Variants in STXBP5L observed in about 807,000 individuals in gnomAD.
STXBP5L encodes syntaxin binding protein 5L, also known as syntaxin-binding protein 5-like.
Under a neutral mutation model 144.5 loss-of-function variants are expected in STXBP5L, and 65 were observed. The observed-to-expected ratio is 0.45, with a 90% CI of 0.37 to 0.55. The LOEUF (loss-of-function observed/expected upper bound fraction) is 0.55, where lower values mean the gene tolerates loss of function less well. Ranked by LOEUF, STXBP5L falls within the 20% of genes least tolerant of loss-of-function variation. The probability of loss-of-function intolerance (pLI) is 0.00; values close to 1 mark genes in which losing one functional copy is unlikely to be tolerated. For synonymous variants in STXBP5L, 505 were observed against 469.6 expected (o/e 1.08, Z -0.97); for missense variants, 1,298 against 1,405.5 (o/e 0.92, Z 1.22).
At chr3:121,341,153 A>T (rs1183988212) in intron 20 of STXBP5L, among the ~76,000 whole-genome samples, 1 of 152,176 alleles carries the variant, frequency 6.6e-6, no homozygotes, top group Non-Finnish European at 1.5e-5. Flanking sequence ...GAGCTCAAAC[A>T]ACTCTGTAGG....
At chr3:121,017,444 A>G (rs1361702297) in intron 3 of STXBP5L, among the ~76,000 whole-genome samples, 3 of 152,252 alleles carry the variant, frequency 2.0e-5, no homozygotes, top group African/African-American at 7.2e-5. Flanking sequence ...GCTGTAATAC[A>G]GTAAGATCAG....
intron 7 of STXBP5L, among the ~76,000 whole-genome samples, chr3:121,123,964 C>A (rs1427695986): frequency 2.6e-5 from 4 of 151,604 alleles, no homozygotes; most frequent in Non-Finnish European, 4.4e-5. Flanking sequence ...AAATACAATT[C>A]TATTTTTTTC....
rs567919242 is a variant in STXBP5L at position 121,011,670 on chromosome 3, A to G, written c.288-30030A>G. On this transcript the variant is annotated intron_variant, in intron 3 of 26. Transcript: ENST00000471454. ...CCTGGTAATATTCACTTTTAAAAAA[A>G]AAAAGTTATTACAGATACAATTAAG... Among the ~76,000 whole-genome samples the G allele has an allele frequency of 3.3e-3, 494 of 151,992 alleles. 3 individuals carry two copies. Among genetic ancestry groups the G allele is most frequent in the African/African-American group, 9.9e-3 (412 of 41,526 alleles).
Position 121,091,633 on chromosome 3 carries a change from T to C in STXBP5L, c.471-23292T>C, listed in dbSNP as rs539122428. 3.0e-4 allele frequency among the ~76,000 whole-genome samples: 46 copies of C among 152,326 alleles called. No homozygotes were observed. In the South Asian group the frequency reaches 7.7e-3, roughly 25 times the overall value. On this transcript the variant is annotated intron_variant, in intron 5 of 26. Coordinates refer to ENST00000471454, the MANE Select transcript of STXBP5L (RefSeq NM_001308330.2). ...CCACTTTTTGATGGGGTTGTTTTTT[T>C]CTTGTAAATTTGTTTGAGTTCATCA... is the stretch of plus-strand genomic sequence containing the variant.
chr3:121,041,060 C>CT (rs139992204), intron 3 of STXBP5L, among the ~76,000 whole-genome samples: 2,261 of 148,150 alleles, frequency 0.015, 55 homozygotes, highest in African/African-American at 0.052. Flanking sequence ...TTTTCTCATT[C>CT]TTTTTTTTTT....
chr3:121,162,199 T>A (rs1018450262), intron 9 of STXBP5L, among the ~76,000 whole-genome samples: 1 of 152,188 alleles, frequency 6.6e-6, no homozygotes, highest in Non-Finnish European at 1.5e-5. Context: ...ACATATCATA[T>A]GTATGCATAC....
intron 7 of STXBP5L, among the ~76,000 whole-genome samples, chr3:121,143,732 T>C (rs1019198799): frequency 3.3e-5 from 5 of 151,872 alleles, no homozygotes; most frequent in Admixed American, 3.3e-4. Context: ...CAAGTGGTAT[T>C]GAGAAAACTG....
intron 19 of STXBP5L, among the ~76,000 whole-genome samples, chr3:121,288,111 T>A (rs1454616940): frequency 1.3e-5 from 2 of 152,180 alleles, no homozygotes; most frequent in Non-Finnish European, 2.9e-5. Context: ...GTTCTTGCAT[T>A]AGTTAGCTTA....
rs1304715080 is a variant in STXBP5L at position 121,045,476 on chromosome 3, G to A, written c.411G>A (p.Leu137=). 1.2e-6 allele frequency: 2 copies of A among 1,613,218 alleles called. No homozygotes were observed. Among genetic ancestry groups the A allele is most frequent in the East Asian group, 2.2e-5 (1 of 44,818 alleles). ...VSASSDDTLH[L]WNLRQKRPAI... is the part of the protein sequence containing the mutation. ...CAAGTTCAGATGATACACTTCATTT[G>A]TGGAACCTTAGACAAAAAAGGCCAG... The change falls in exon 5 of 27, where the codon TTG becomes TTA. Residue 137 remains leucine (L), a synonymous_variant. Transcript: ENST00000471454.
At chr3:121,027,361 G>T (rs1229131811) in intron 3 of STXBP5L, among the ~76,000 whole-genome samples, 2 of 152,032 alleles carry the variant, frequency 1.3e-5, no homozygotes, top group Non-Finnish European at 2.9e-5. Flanking sequence ...GGAACTGAAA[G>T]GTTAACTTAA....
intron 9 of STXBP5L, among the ~76,000 whole-genome samples, chr3:121,184,870 G>A (rs958073358): frequency 1.3e-5 from 2 of 152,180 alleles, no homozygotes; most frequent in Non-Finnish European, 2.9e-5. Context: ...AGATCTCTCA[G>A]CAGAAACCCT....
At chr3:121,047,426 G>T (rs1257412617) in intron 5 of STXBP5L, among the ~76,000 whole-genome samples, 1 of 152,000 alleles carries the variant, frequency 6.6e-6, no homozygotes, top group Non-Finnish European at 1.5e-5. Flanking sequence ...CTGACTGGAT[G>T]GTCTATCTAA....
chr3:121,225,699 G>C (rs935681962), intron 11 of STXBP5L, among the ~76,000 whole-genome samples: 31 of 152,180 alleles, frequency 2.0e-4, no homozygotes, highest in Non-Finnish European at 2.9e-5. Flanking sequence ...GGCCATGGCA[G>C]GCTAAATGCC....
At chr3:121,348,598 T>G (rs2045115269) in intron 20 of STXBP5L, among the ~76,000 whole-genome samples, 1 of 152,088 alleles carries the variant, frequency 6.6e-6, no homozygotes, top group Non-Finnish European at 1.5e-5. Flanking sequence ...AGACTTTTTT[T>G]GGTTGGTAAG....
At chr3:121,084,006 T>G (rs949882870) in intron 5 of STXBP5L, among the ~76,000 whole-genome samples, 1 of 152,104 alleles carries the variant, frequency 6.6e-6, no homozygotes, top group Non-Finnish European at 1.5e-5. Flanking sequence ...GAGATTTTTC[T>G]ATTTTATGTA....
chr3:120,963,672 G>T (rs1009101055), intron 3 of STXBP5L, among the ~76,000 whole-genome samples: 13 of 152,126 alleles, frequency 8.5e-5, no homozygotes, highest in Non-Finnish European at 1.8e-4. Context: ...GATTTGTTTT[G>T]CCAGTATTTT....
chr3:121,199,018 A>T (rs1276582737), intron 9 of STXBP5L, among the ~76,000 whole-genome samples: 2 of 152,106 alleles, frequency 1.3e-5, no homozygotes, highest in Non-Finnish European at 2.9e-5. Context: ...CTAATTCTGC[A>T]AAGAAAGTCA....
chr3:121,369,372 G>T (rs1185523463), intron 20 of STXBP5L, among the ~76,000 whole-genome samples: 2 of 148,616 alleles, frequency 1.3e-5, no homozygotes, highest in Non-Finnish European at 1.5e-5. Flanking sequence ...CTATCCCTTT[G>T]TTGAACATCT....
At chr3:121,358,547 G>A (rs868512726) in intron 20 of STXBP5L, among the ~76,000 whole-genome samples, 1 of 152,064 alleles carries the variant, frequency 6.6e-6, no homozygotes, top group Non-Finnish European at 1.5e-5. Flanking sequence ...GGCAGCACTA[G>A]GGGGATTGTG....
Sources: allele counts gnomAD v4.1 joint callset (sites outside exome capture counted in the v4.1 genomes callset), GRCh38; gene constraint gnomAD v4.1.1; transcripts MANE v1.5; gene names NCBI Gene and HGNC (gene_info 2026-07-23, HGNC 2026-07-21).